The following GAB1 variants were observed in gnomAD, a reference collection of about 807,000 sequenced individuals.
The protein encoded by GAB1 is GRB2-associated-binding protein 1.
Under a neutral mutation model 66.5 loss-of-function variants are expected in GAB1, and 19 were observed. That is an observed-to-expected ratio of 0.29 (90% CI 0.20 to 0.42). The LOEUF (loss-of-function observed/expected upper bound fraction) is 0.42. GAB1 is among the 10% of genes least tolerant of loss of function. The pLI is 1.00. For missense variants in GAB1, 732 were observed against 858.5 expected, an observed-to-expected ratio of 0.85 and a Z score of 1.84; for synonymous variants, 294 against 301.4, an observed-to-expected ratio of 0.98 and a Z score of 0.25.
intron 1 of GAB1, among the ~76,000 whole-genome samples, chr4:143,339,384 G>A (rs982182883): frequency 2.0e-5 from 3 of 152,234 alleles, no homozygotes; most frequent in African/African-American, 4.8e-5. Context: ...GGTGGTGTAC[G>A]CCTGTAATCC....
chr4:143,365,685 A>C (rs1347241044), intron 1 of GAB1, among the ~76,000 whole-genome samples: 1 of 152,198 alleles, frequency 6.6e-6, no homozygotes, highest in Non-Finnish European at 1.5e-5. Context: ...ATTTTTCTAC[A>C]TGGTGGTTAG....
chr4:143,438,542 G>T lies in GAB1; in HGVS notation c.1137G>T (p.Gly379=), dbSNP rs1734062035. 1 of 1,613,908 alleles carries T rather than the reference G, an allele frequency of 6.2e-7. No individual in the cohort carries two copies. Among genetic ancestry groups the T allele is most frequent in the Non-Finnish European group, 8.5e-7 (1 of 1,179,980 alleles). Residue 379 remains glycine, a synonymous_variant, in exon 4 of 10, where the codon GGG becomes GGT. Transcript: ENST00000262994. ...TDSSYCIPTA[G]MSPSRSNTIS... The stretch of plus-strand genomic sequence containing the variant: ...GTAGTTACTGTATCCCTACAGCAGG[G>T]ATGTCGCCTTCACGTAGTAATACCA...
Position 143,369,192 on chromosome 4 carries a change from T to C in GAB1, c.72+31932T>C, listed in dbSNP as rs534958794. On this transcript the variant is annotated intron_variant, in intron 1 of 9. Coordinates refer to ENST00000262994, the MANE Select transcript of GAB1 (RefSeq NM_002039.4). ...CTGGCCTCAGGTGATCCACCCACCT[T>C]GGCCTCCCGGAGTGCTGGGATTACA... 7.9e-5 allele frequency among the ~76,000 whole-genome samples: 12 copies of C among 152,190 alleles called. No homozygotes were observed. The South Asian group carries it at 1.7e-3, about 21-fold the overall frequency.
chr4:143,415,500 G>T lies in GAB1; in HGVS notation c.96G>T (p.Val32=), dbSNP rs1339600271. The part of the protein sequence containing the change: ...KRYAWKRRWF[V]LRSGRLTGDP... Reference sequence around the variant, plus strand: ...AGGCATGGAAGAGGAGATGGTTCGTGTTACGCAGTGGCCGTTTAACTGGAG... The same window carrying T: ...AGGCATGGAAGAGGAGATGGTTCGTTTTACGCAGTGGCCGTTTAACTGGAG... Residue 32 remains valine (V), a synonymous_variant, in exon 2 of 10, where the codon GTG becomes GTT. Transcript: ENST00000262994. 1.2e-6 allele frequency: 2 copies of T among 1,611,696 alleles called. No homozygotes were observed. The highest frequency in any genetic ancestry group is 1.7e-6 in the Non-Finnish European group (2 of 1,178,438).
chr4:143,437,280 TGTC>T (rs1252118510), intron 3 of GAB1, among the ~76,000 whole-genome samples: 2 of 152,216 alleles, frequency 1.3e-5, no homozygotes, highest in Non-Finnish European at 2.9e-5. Flanking sequence ...AGCTTCATCT[TGTC>T]GTATACCCAA....
intron 1 of GAB1, among the ~76,000 whole-genome samples, chr4:143,406,799 G>A (rs896698863): frequency 3.3e-5 from 5 of 152,170 alleles, no homozygotes; most frequent in South Asian, 2.1e-4. Flanking sequence ...CACTTTTTCC[G>A]TCTCCTCTTG....
chr4:143,404,104 C>T (rs1731918805), intron 1 of GAB1, among the ~76,000 whole-genome samples: 2 of 151,950 alleles, frequency 1.3e-5, no homozygotes, highest in African/African-American at 4.8e-5. Flanking sequence ...TCATAAGAAA[C>T]TAAGAAAAGA....
At chr4:143,377,176 T>C (rs1447492917) in intron 1 of GAB1, among the ~76,000 whole-genome samples, 1 of 152,122 alleles carries the variant, frequency 6.6e-6, no homozygotes, top group Non-Finnish European at 1.5e-5. Flanking sequence ...CAAAAATGTT[T>C]CCGAAAAGTT....
intron 6 of GAB1, among the ~76,000 whole-genome samples, chr4:143,454,979 A>G (rs1735106134): frequency 6.6e-6 from 1 of 151,840 alleles, no homozygotes; most frequent in Non-Finnish European, 1.5e-5. Flanking sequence ...CTCTAGGAAT[A>G]GGTTTTAAAA....
intron 1 of GAB1, chr4:143,395,381 T>A (rs1443769409): frequency 6.5e-6 from 1 of 154,714 alleles, no homozygotes; most frequent in Non-Finnish European, 1.4e-5. Flanking sequence ...TCTTTATTTT[T>A]TAATGAACTA....
intron 1 of GAB1, among the ~76,000 whole-genome samples, chr4:143,405,128 A>G (rs2095078008): frequency 6.6e-6 from 1 of 152,196 alleles, no homozygotes; most frequent in South Asian, 2.1e-4. Flanking sequence ...ACTTCATAGC[A>G]TATGCCATTT....
chr4:143,439,753 G>A, intron 4 of GAB1, 49 bp from the exon 5 acceptor site: 1 of 1,313,950 alleles, frequency 7.6e-7, no homozygotes, highest in South Asian at 1.2e-5. Context: ...ATGACCCTGA[G>A]AGCTGGCAAA....
At chr4:143,403,793 T>A (rs916183193) in intron 1 of GAB1, among the ~76,000 whole-genome samples, 4 of 152,240 alleles carry the variant, frequency 2.6e-5, no homozygotes, top group African/African-American at 9.6e-5. Context: ...CTTAATGTAG[T>A]TTATAGTCAG....
At chr4:143,441,111 A>G (rs1340629749) in intron 6 of GAB1, among the ~76,000 whole-genome samples, 2 of 152,086 alleles carry the variant, frequency 1.3e-5, no homozygotes, top group African/African-American at 2.4e-5. Context: ...GCTGGCCTTC[A>G]TAAGTAACAT....
chr4:143,372,221 A>G (rs1238272349), intron 1 of GAB1, among the ~76,000 whole-genome samples: 1 of 151,966 alleles, frequency 6.6e-6, no homozygotes, highest in East Asian at 1.9e-4. Context: ...TTATTCTTGC[A>G]TTGAAATGTT....
chr4:143,444,220 ATC>A (rs1734389320), intron 6 of GAB1, among the ~76,000 whole-genome samples: 1 of 152,188 alleles, frequency 6.6e-6, no homozygotes, highest in Non-Finnish European at 1.5e-5. Context: ...CGCTAAACTT[ATC>A]TAAGGCCCCC....
intron 1 of GAB1, among the ~76,000 whole-genome samples, chr4:143,373,207 C>T (rs1351898080): frequency 6.6e-6 from 1 of 152,204 alleles, no homozygotes; most frequent in Admixed American, 6.5e-5. Context: ...TCATCGCTGT[C>T]TGTGCAGTAT....
At chr4:143,447,896 C>A (rs1273010619) in intron 6 of GAB1, among the ~76,000 whole-genome samples, 1 of 152,124 alleles carries the variant, frequency 6.6e-6, no homozygotes, top group African/African-American at 2.4e-5. Flanking sequence ...CCAATTTTTG[C>A]CCATTCAGTA....
At chr4:143,385,454 G>C (rs1730854309) in intron 1 of GAB1, among the ~76,000 whole-genome samples, 1 of 152,198 alleles carries the variant, frequency 6.6e-6, no homozygotes, top group African/African-American at 2.4e-5. Flanking sequence ...CAAGTTAAGA[G>C]GTTGTTGGTG....
Sources: gnomAD v4.1 joint callset for allele counts (sites outside exome capture counted in the v4.1 genomes callset) on GRCh38, gnomAD v4.1.1 for gene constraint, MANE v1.5 for transcripts, NCBI Gene and HGNC (gene_info 2026-07-23, HGNC 2026-07-21) for gene names.